Variants in DHX57 observed in about 807,000 individuals in gnomAD.
The protein encoded by DHX57 is putative ATP-dependent RNA helicase DHX57.
In DHX57, 105 loss-of-function variants were observed where a neutral mutation model predicts 156.2. That is an observed-to-expected ratio of 0.67 (90% confidence interval 0.57 to 0.79). The LOEUF is 0.79. Ranked by LOEUF, DHX57 falls within the 30% of genes least tolerant of loss-of-function variation. The pLI, the probability that DHX57 is intolerant of heterozygous loss-of-function variation, is 0.00. For synonymous variants in DHX57, 704 were observed against 595.6 expected, an observed-to-expected ratio of 1.18 and a Z score of -2.65; for missense variants, 1,847 against 1,661.9, an observed-to-expected ratio of 1.11 and a Z score of -1.94.
At chr2:38,866,897 G>T (rs906495339) in intron 2 of DHX57, among the ~76,000 whole-genome samples, 1 of 152,130 alleles carries the variant, frequency 6.6e-6, no homozygotes, top group Non-Finnish European at 1.5e-5. Flanking sequence ...TATGCTGCTT[G>T]CTATTTATAA....
chr2:38,803,759 G>A (rs962129091), intron 22 of DHX57, among the ~76,000 whole-genome samples: 1 of 149,634 alleles, frequency 6.7e-6, no homozygotes, highest in Non-Finnish European at 1.5e-5. Flanking sequence ...AAAGTCCTGG[G>A]ATTACAGGTG....
At chr2:38,823,920 G>C (rs932649526) in intron 16 of DHX57, among the ~76,000 whole-genome samples, 6 of 152,188 alleles carry the variant, frequency 3.9e-5, no homozygotes, top group Admixed American at 1.3e-4. Flanking sequence ...GCTGAGGCAG[G>C]AGAATCACTT....
chr2:38,855,139 G>A lies in DHX57; in HGVS notation c.1823C>T (p.Ser608Phe). ...TTCTTTAGCAACGCGTTCAGCAACA[G>A]AGATTGCAGAGATTCGTCGGGGTTG... ...CTQPRRISAI[S>F]VAERVAKERA... Residue 608 changes from serine to phenylalanine, a missense_variant, in exon 8 of 24, where the codon TCT (serine) becomes TTT (phenylalanine). By Grantham distance (155) the Ser-to-Phe change is radical (BLOSUM62 -2). Coordinates refer to ENST00000457308, the MANE Select transcript of DHX57 (RefSeq NM_198963.3). The A allele has an allele frequency of 6.2e-7, 1 of 1,614,134 alleles. No homozygotes were observed. The highest frequency in any genetic ancestry group is 2.2e-5 in the East Asian group (1 of 44,874).
At chr2:38,802,649 A>G (rs1045987499) in intron 23 of DHX57, 66 bp downstream of exon 23, 3 of 1,591,252 alleles carry the variant, frequency 1.9e-6, no homozygotes, top group Non-Finnish European at 8.6e-7. Context: ...CCTTGACTTC[A>G]TAACTTCATA....
intron 2 of DHX57, 108 bp downstream of exon 2, chr2:38,868,074 A>C: frequency 7.2e-7 from 1 of 1,394,070 alleles, no homozygotes; most frequent in South Asian, 1.4e-5. Context: ...GAGGAAGACA[A>C]TTTGACCAGA....
chr2:38,821,302 C>A (rs1432450126), intron 17 of DHX57, among the ~76,000 whole-genome samples: 1 of 151,680 alleles, frequency 6.6e-6, no homozygotes, highest in Non-Finnish European at 1.5e-5. Flanking sequence ...CTTTAAGACA[C>A]TAGAAAAAGA....
intron 1 of DHX57, among the ~76,000 whole-genome samples, chr2:38,871,208 T>C (rs953556409): frequency 2.0e-5 from 3 of 152,184 alleles, no homozygotes; most frequent in African/African-American, 7.2e-5. Flanking sequence ...TTCTTTTCTC[T>C]GAAATGATTT....
intron 23 of DHX57, among the ~76,000 whole-genome samples, chr2:38,801,597 T>C (rs946384217): frequency 8.7e-5 from 13 of 149,498 alleles, no homozygotes; most frequent in Non-Finnish European, 1.2e-4. Flanking sequence ...TGTATTTTTA[T>C]ATATTCATTT....
chr2:38,816,125 G>C, intron 19 of DHX57: 1 of 471,356 alleles, frequency 2.1e-6, no homozygotes, highest in South Asian at 1.5e-5. Context: ...GCTCTCAGTG[G>C]AACTCAGCAG....
chr2:38,803,822 C>A (rs1669812472), intron 22 of DHX57, among the ~76,000 whole-genome samples: 2 of 142,290 alleles, frequency 1.4e-5, no homozygotes, highest in Non-Finnish European at 3.1e-5. Flanking sequence ...CGCTCTGTCA[C>A]CCAGGCTGGA....
intron 19 of DHX57, among the ~76,000 whole-genome samples, chr2:38,817,658 G>T (rs1166457083): frequency 3.9e-5 from 6 of 151,946 alleles, no homozygotes; most frequent in Non-Finnish European, 7.4e-5. Context: ...TGCAACAGGA[G>T]ACAGAAGCCC....
At chr2:38,812,652 G>C (rs1341322575) in intron 21 of DHX57, among the ~76,000 whole-genome samples, 1 of 152,184 alleles carries the variant, frequency 6.6e-6, no homozygotes, top group African/African-American at 2.4e-5. Context: ...TCCTGCCTCA[G>C]CCTCCTGAGT....
intron 12 of DHX57, chr2:38,838,837 A>G (rs1287519230): frequency 1.3e-5 from 6 of 453,416 alleles, no homozygotes; most frequent in Non-Finnish European, 2.2e-5. Context: ...ATAGACCCTC[A>G]CAATCTCCCC....
chr2:38,854,401 C>A (rs1451680901), intron 8 of DHX57: 1 of 363,036 alleles, frequency 2.8e-6, no homozygotes, highest in Non-Finnish European at 5.0e-6. Context: ...CATTAAAAAA[C>A]AGTGAATAAT....
At position 38,802,880 on chromosome 2, in the gene DHX57, G is replaced by A. The variant is rs142788402; in HGVS notation, c.3852C>T (p.His1284=). 21 of 1,613,880 alleles carry A rather than the reference G, an allele frequency of 1.3e-5. 2 individuals are homozygous for A. In the Middle Eastern group the frequency reaches 4.9e-4, roughly 38 times the overall value. ...ATACTCGACTAGTTTTTATCTTCTC[G>A]TGGTACAACAGGTAGGGGCTGTCAA... ...RHFDSPYLLY[H]EKIKTSRVFI... is the part of the protein sequence containing the mutation. The change falls in exon 23 of 24, where the codon CAC becomes CAT. Residue 1284 remains histidine, a synonymous_variant. Transcript: ENST00000457308.
At position 38,815,525 on chromosome 2, in the gene DHX57, TCTC is replaced by T; in HGVS notation, c.3599_3601del (p.Gly1200del). On this transcript the variant is annotated inframe_deletion, in exon 20 of 24. Coordinates refer to ENST00000457308, the MANE Select transcript of DHX57 (RefSeq NM_198963.3). ...AACCAACTCCACATTCTTTACCTCT[TCTC>T]CTGTGGCATCTAAGACACCATCTCC... 1 of 1,614,032 alleles carries T rather than the reference TCTC, an allele frequency of 6.2e-7. No homozygotes were observed. Among genetic ancestry groups the T allele is most frequent in the South Asian group, 1.1e-5 (1 of 91,074 alleles).
At chr2:38,838,329 A>G (rs3112155) in intron 12 of DHX57, among the ~76,000 whole-genome samples, 136,833 of 152,144 alleles carry the variant, frequency 0.9, 63,247 homozygotes, top group Non-Finnish European at 1. Flanking sequence ...TCGAACTCCC[A>G]GGCTAAGGCA....
At chr2:38,869,488 C>T (rs909420748) in intron 1 of DHX57, among the ~76,000 whole-genome samples, 2 of 152,194 alleles carry the variant, frequency 1.3e-5, no homozygotes, top group Non-Finnish European at 2.9e-5. Context: ...ATCTCAGAAA[C>T]TATTGCTTCA....
At chr2:38,819,257 C>T (rs967022487) in intron 17 of DHX57, 113 bp from the exon 18 acceptor site, 2 of 909,252 alleles carry the variant, frequency 2.2e-6, no homozygotes, top group Admixed American at 2.3e-5. Flanking sequence ...CCACTGCAAC[C>T]TTTATCTCCC....
Sources: gnomAD v4.1 joint callset for allele counts (sites outside exome capture counted in the v4.1 genomes callset) on GRCh38, gnomAD v4.1.1 for gene constraint, MANE v1.5 for transcripts, NCBI Gene and HGNC (gene_info 2026-07-23, HGNC 2026-07-21) for gene names.